Variants in CSMD1 observed in about 807,000 individuals in gnomAD.
CSMD1 encodes the protein CUB and Sushi multiple domains 1, also known as CUB and sushi domain-containing protein 1.
Under a neutral mutation model 417.5 loss-of-function variants are expected in CSMD1, and 213 were observed. The observed-to-expected ratio is 0.51, with a 90% confidence interval of 0.46 to 0.57. The LOEUF is 0.57. Among genes scored for constraint, CSMD1 ranks in the 20% least tolerant of loss-of-function variants. The pLI, the probability that CSMD1 is intolerant of heterozygous loss-of-function variation, is 0.00. For synonymous variants in CSMD1, 2,862 were observed against 1,736.8 expected (o/e 1.65, Z -16.11); for missense variants, 6,923 against 4,529.7 (o/e 1.53, Z -15.17).
At chr8:3,963,168 G>A (rs528378574) in intron 5 of CSMD1, among the ~76,000 whole-genome samples, 1 of 152,236 alleles carries the variant, frequency 6.6e-6, no homozygotes, top group Admixed American at 6.5e-5. Context: ...CTGACCTCCA[G>A]TAACCCTCCA....
At chr8:4,825,797 A>G (rs7818925) in intron 1 of CSMD1, among the ~76,000 whole-genome samples, 35 of 127,080 alleles carry the variant, frequency 2.8e-4, no homozygotes, top group Admixed American at 6.7e-4. Flanking sequence ...AAAAAAAAAG[A>G]AAAAAAAAAG....
chr8:4,313,246 A>C (rs575042170), intron 3 of CSMD1, among the ~76,000 whole-genome samples: 3 of 152,238 alleles, frequency 2.0e-5, no homozygotes, highest in African/African-American at 7.2e-5. Flanking sequence ...TAGTTGGCTA[A>C]ATTTTCAGTC....
At chr8:4,590,656 T>C (rs990784968) in intron 2 of CSMD1, among the ~76,000 whole-genome samples, 8 of 152,200 alleles carry the variant, frequency 5.3e-5, no homozygotes, top group African/African-American at 1.9e-4. Context: ...TACAACATTA[T>C]AAAGCTATAT....
chr8:4,310,649 C>G (rs1171543220), intron 3 of CSMD1, among the ~76,000 whole-genome samples: 1 of 151,998 alleles, frequency 6.6e-6, no homozygotes, highest in Non-Finnish European at 1.5e-5. Context: ...CACATTTGAC[C>G]GAGACTATAA....
chr8:4,766,851 T>C (rs1331480122), intron 1 of CSMD1, among the ~76,000 whole-genome samples: 2 of 152,236 alleles, frequency 1.3e-5, no homozygotes, highest in Admixed American at 6.5e-5. Context: ...ATTTCTCATA[T>C]GTATAAATAT....
At chr8:4,321,597 G>A (rs1306904163) in intron 3 of CSMD1, among the ~76,000 whole-genome samples, 16 of 152,072 alleles carry the variant, frequency 1.1e-4, no homozygotes, top group Admixed American at 1.0e-3. Context: ...TATATAACAG[G>A]CACCAAATAC....
intron 52 of CSMD1, among the ~76,000 whole-genome samples, chr8:3,000,559 A>G (rs1185090440): frequency 6.6e-6 from 1 of 152,210 alleles, no homozygotes; most frequent in African/African-American, 2.4e-5. Context: ...AGTCAGATAG[A>G]CTAGATAATC....
intron 1 of CSMD1, chr8:4,788,457 C>A: frequency 2.3e-6 from 3 of 1,326,720 alleles, no homozygotes; most frequent in Non-Finnish European, 3.3e-6. Flanking sequence ...CCAGAAGGAT[C>A]AGCTCAATTT....
chr8:4,647,500 GTAGGTAC>G (rs1803610229), intron 1 of CSMD1, among the ~76,000 whole-genome samples: 1 of 149,614 alleles, frequency 6.7e-6, no homozygotes, highest in African/African-American at 2.6e-5. Flanking sequence ...GGTTTGTTAC[GTAGGTAC>G]GCGTGTGCCA....
At chr8:3,267,497 C>T (rs1218986916) in intron 26 of CSMD1, among the ~76,000 whole-genome samples, 1 of 152,150 alleles carries the variant, frequency 6.6e-6, no homozygotes, top group Non-Finnish European at 1.5e-5. Context: ...GAGGTTTCCT[C>T]AGGAGCTCTC....
At chr8:3,516,289 A>T (rs769468010) in intron 10 of CSMD1, among the ~76,000 whole-genome samples, 134 of 152,352 alleles carry the variant, frequency 8.8e-4, no homozygotes, top group Non-Finnish European at 1.5e-3. Flanking sequence ...GTAAATGCTA[A>T]GTTCTGGGAT....
At chr8:3,600,498 C>G (rs958769952) in intron 8 of CSMD1, among the ~76,000 whole-genome samples, 5 of 152,132 alleles carry the variant, frequency 3.3e-5, no homozygotes, top group African/African-American at 1.2e-4. Flanking sequence ...AAAGGGACGC[C>G]AAGTGTCAAA....
intron 3 of CSMD1, among the ~76,000 whole-genome samples, chr8:4,309,471 A>C (rs1044820772): frequency 6.4e-5 from 7 of 109,072 alleles, no homozygotes; most frequent in Admixed American, 1.6e-4. Context: ...AGAAAAAATA[A>C]ATATTAAATG....
chr8:3,238,194 T>G (rs1799275705), intron 26 of CSMD1, among the ~76,000 whole-genome samples: 1 of 150,976 alleles, frequency 6.6e-6, no homozygotes, highest in South Asian at 2.1e-4. Flanking sequence ...GGTGTGGGGG[T>G]GTCACAAGGT....
intron 2 of CSMD1, among the ~76,000 whole-genome samples, chr8:4,431,037 C>A (rs1176628741): frequency 6.6e-6 from 1 of 152,146 alleles, no homozygotes; most frequent in Non-Finnish European, 1.5e-5. Context: ...TGTGCTTCTT[C>A]AGAATAACTC....
At chr8:3,673,890 G>C (rs1477376809) in intron 7 of CSMD1, among the ~76,000 whole-genome samples, 2 of 152,154 alleles carry the variant, frequency 1.3e-5, no homozygotes, top group Admixed American at 1.3e-4. Flanking sequence ...GGCCAAGGCA[G>C]GCAGAATGCT....
At chr8:4,817,209 T>C (rs941962400) in intron 1 of CSMD1, among the ~76,000 whole-genome samples, 2 of 152,202 alleles carry the variant, frequency 1.3e-5, no homozygotes, top group Admixed American at 1.3e-4. Flanking sequence ...CTCCTATATG[T>C]ATATGATTTT....
chr8:4,092,968 G>A (rs968852833), intron 3 of CSMD1, among the ~76,000 whole-genome samples: 8 of 151,928 alleles, frequency 5.3e-5, no homozygotes, highest in African/African-American at 1.9e-4. Flanking sequence ...CTCTGTGTGG[G>A]GAGTATCTTA....
At chr8:4,773,354 G>C (rs180698874) in intron 1 of CSMD1, among the ~76,000 whole-genome samples, 1 of 152,206 alleles carries the variant, frequency 6.6e-6, no homozygotes, top group East Asian at 1.9e-4. Context: ...GTGGCTTTTT[G>C]TTTCAGGAAA....
Sources: allele counts gnomAD v4.1 joint callset (sites outside exome capture counted in the v4.1 genomes callset), GRCh38; gene constraint gnomAD v4.1.1; transcripts MANE v1.5; gene names NCBI Gene and HGNC (gene_info 2026-07-23, HGNC 2026-07-21).